ROBO2: variants seen among roughly 807,000 people sequenced by gnomAD.
ROBO2 encodes the protein roundabout homolog 2.
Under a neutral mutation model 160.8 loss-of-function variants are expected in ROBO2, and 53 were observed. The observed-to-expected ratio is 0.33, with a 90% CI of 0.26 to 0.41. The LOEUF is 0.41. ROBO2 is among the 10% of genes least tolerant of loss of function. The pLI is 1.00. For missense variants in ROBO2, 1,577 were observed against 1,722.4 expected, an observed-to-expected ratio of 0.92 and a Z score of 1.49; for synonymous variants, 664 against 611.7, an observed-to-expected ratio of 1.09 and a Z score of -1.26.
intron 2 of ROBO2, among the ~76,000 whole-genome samples, chr3:76,154,296 A>AT (rs767821989): frequency 1.1e-4 from 16 of 152,098 alleles, no homozygotes; most frequent in Non-Finnish European, 2.4e-4. Context: ...TGAATATATG[A>AT]TTTTGAGTCA....
chr3:76,052,842 A>G (rs756313396), intron 2 of ROBO2, among the ~76,000 whole-genome samples: 1 of 152,056 alleles, frequency 6.6e-6, no homozygotes, highest in African/African-American at 2.4e-5. Flanking sequence ...ACAAGTGAAC[A>G]TAAAGTCATC....
intron 2 of ROBO2, among the ~76,000 whole-genome samples, chr3:77,435,889 C>T (rs1237818073): frequency 1.3e-5 from 2 of 151,338 alleles, no homozygotes; most frequent in Non-Finnish European, 3.0e-5. Context: ...GCAAAAAAAT[C>T]ATAATGTAAA....
intron 2 of ROBO2, among the ~76,000 whole-genome samples, chr3:76,646,818 T>C (rs1022213235): frequency 7.2e-5 from 11 of 152,158 alleles, no homozygotes; most frequent in African/African-American, 2.7e-4. Context: ...GATATTTTAA[T>C]ATTTAAAAAA....
chr3:75,988,228 G>T (rs532956933), intron 2 of ROBO2, among the ~76,000 whole-genome samples: 1 of 152,118 alleles, frequency 6.6e-6, no homozygotes, highest in East Asian at 1.9e-4. Context: ...GATCTATTCA[G>T]ATTTTCTATT....
chr3:76,344,516 T>C (rs970216184), intron 2 of ROBO2, among the ~76,000 whole-genome samples: 2 of 152,148 alleles, frequency 1.3e-5, no homozygotes, highest in Non-Finnish European at 2.9e-5. Flanking sequence ...GTCAAGGAAC[T>C]CCAAAACTCA....
At chr3:75,942,646 A>G (rs1948108938) in intron 2 of ROBO2, among the ~76,000 whole-genome samples, 3 of 152,156 alleles carry the variant, frequency 2.0e-5, no homozygotes, top group African/African-American at 7.2e-5. Flanking sequence ...AAATCCTAGC[A>G]GTCATTTCTA....
chr3:76,350,966 G>T (rs1228725804), intron 2 of ROBO2, among the ~76,000 whole-genome samples: 1 of 151,606 alleles, frequency 6.6e-6, no homozygotes, highest in Non-Finnish European at 1.5e-5. Flanking sequence ...GAGTGAAATT[G>T]GTATATATTT....
intron 2 of ROBO2, among the ~76,000 whole-genome samples, chr3:76,290,138 T>C (rs138865250): frequency 6.6e-6 from 1 of 152,258 alleles, no homozygotes; most frequent in African/African-American, 2.4e-5. Flanking sequence ...ATGGACTGTT[T>C]TCCATTTCAT....
At chr3:77,161,268 C>T (rs1180093114) in intron 2 of ROBO2, among the ~76,000 whole-genome samples, 2 of 152,180 alleles carry the variant, frequency 1.3e-5, no homozygotes, top group East Asian at 1.9e-4. Flanking sequence ...AAAGTTCCAT[C>T]TTGCATAAAA....
chr3:77,244,892 GA>G (rs1195935299), intron 2 of ROBO2, among the ~76,000 whole-genome samples: 2 of 124,740 alleles, frequency 1.6e-5, no homozygotes, highest in Non-Finnish European at 1.7e-5. Context: ...AAAAAAAAAA[GA>G]AAAAAAGAAA....
chr3:77,060,790 CTCTG>C (rs1295622345), intron 1 of ROBO2, among the ~76,000 whole-genome samples: 1 of 152,180 alleles, frequency 6.6e-6, no homozygotes, highest in African/African-American at 2.4e-5. Context: ...ATTCTTCCCT[CTCTG>C]TCTTTTTCTA....
At chr3:76,643,438 C>T (rs75876958) in intron 2 of ROBO2, among the ~76,000 whole-genome samples, 3,278 of 152,112 alleles carry the variant, frequency 0.022, 133 homozygotes, top group African/African-American at 0.075. Flanking sequence ...GATGAAGATA[C>T]GACATCCAAA....
intron 2 of ROBO2, among the ~76,000 whole-genome samples, chr3:76,994,852 T>C (rs1450436052): frequency 3.3e-5 from 5 of 152,188 alleles, no homozygotes; most frequent in African/African-American, 1.2e-4. Context: ...AGAAGCAATA[T>C]AATAAAAACA....
chr3:76,194,038 T>C (rs759499181), intron 2 of ROBO2, among the ~76,000 whole-genome samples: 3 of 152,050 alleles, frequency 2.0e-5, no homozygotes, highest in Admixed American at 2.0e-4. Flanking sequence ...TCTCTGCCTA[T>C]AATGCCTATT....
rs60599175 is a variant in ROBO2, at chr3:75,924,681, C to CTTTTTTTTTTTTTT, written c.-13-12789_-13-12776dup. Among the ~76,000 whole-genome samples, 8 of 66,012 alleles carry CTTTTTTTTTTTTTT rather than the reference C, an allele frequency of 1.2e-4. 2 individuals are homozygous for CTTTTTTTTTTTTTT. Among genetic ancestry groups the CTTTTTTTTTTTTTT allele is most frequent in the African/African-American group, 2.7e-4 (4 of 14,744 alleles). 43.3% of individuals were successfully genotyped at this position (66,012 alleles called of 152,430 possible). ...AATTATTGGGAATTTATTTTCTTTT[C>CTTTTTTTTTTTTTT]TTTTTTTTTTTTTTTTTTTTTTTTG... On this transcript the variant is annotated intron_variant, in intron 1 of 26. Transcript: ENST00000487694.
At chr3:77,109,478 G>T (rs2073287533) in intron 2 of ROBO2, among the ~76,000 whole-genome samples, 2 of 152,204 alleles carry the variant, frequency 1.3e-5, no homozygotes, top group Admixed American at 6.5e-5. Context: ...CATTCAATAG[G>T]ATGGTCTAGA....
chr3:76,593,720 G>A (rs528648965), intron 2 of ROBO2, among the ~76,000 whole-genome samples: 1 of 151,938 alleles, frequency 6.6e-6, no homozygotes, highest in African/African-American at 2.4e-5. Flanking sequence ...AAGTAAACAT[G>A]AATTAGAGAA....
At chr3:76,214,777 A>T (rs1007678338) in intron 2 of ROBO2, among the ~76,000 whole-genome samples, 1 of 152,202 alleles carries the variant, frequency 6.6e-6, no homozygotes, top group African/African-American at 2.4e-5. Context: ...ACATCTGCAG[A>T]CTTAAATGTC....
intron 2 of ROBO2, among the ~76,000 whole-genome samples, chr3:76,192,536 A>C (rs4053990): frequency 7.7e-6 from 1 of 130,048 alleles, no homozygotes; most frequent in African/African-American, 2.7e-5. Flanking sequence ...ACACACACAC[A>C]CACACACACA....
Sources: allele counts gnomAD v4.1 joint callset (sites outside exome capture counted in the v4.1 genomes callset), GRCh38; gene constraint gnomAD v4.1.1; transcripts MANE v1.5; gene names NCBI Gene and HGNC (gene_info 2026-07-23, HGNC 2026-07-21).